Variants in CELF4 observed in about 807,000 individuals in gnomAD.
CELF4 encodes the protein CUG-BP- and ETR-3-like factor 4.
CELF4 carries 18 observed loss-of-function variants against 59.9 expected under a neutral mutation model. That is an observed-to-expected ratio of 0.30 (90% confidence interval 0.21 to 0.45). The LOEUF (loss-of-function observed/expected upper bound fraction) is 0.45, where lower values mean the gene tolerates loss of function less well. Ranked by LOEUF, CELF4 falls within the 20% of genes least tolerant of loss-of-function variation. CELF4 has a pLI of 1.00. For missense variants in CELF4, 456 were observed against 689.0 expected (o/e 0.66, Z 3.79); for synonymous variants, 261 against 267.1 (o/e 0.98, Z 0.22).
chr18:37,547,088 A>T (rs2099981631), intron 1 of CELF4, among the ~76,000 whole-genome samples: 1 of 152,136 alleles, frequency 6.6e-6, no homozygotes, highest in South Asian at 2.1e-4. Flanking sequence ...AAAGAAAACC[A>T]TAGGTTTCCT....
chr18:37,476,417 A>G (rs929888764), intron 2 of CELF4, among the ~76,000 whole-genome samples: 10 of 152,166 alleles, frequency 6.6e-5, no homozygotes, highest in African/African-American at 2.4e-4. Context: ...CATACCACAA[A>G]TGCCTTTGAT....
chr18:37,407,642 C>G (rs4799446), intron 2 of CELF4, among the ~76,000 whole-genome samples: 20 of 151,430 alleles, frequency 1.3e-4, no homozygotes, highest in African/African-American at 4.9e-4. Flanking sequence ...CAAACGCACA[C>G]GTTAGGATGT....
At chr18:37,514,029 C>A (rs989666991) in intron 1 of CELF4, among the ~76,000 whole-genome samples, 18 of 151,798 alleles carry the variant, frequency 1.2e-4, no homozygotes, top group African/African-American at 4.4e-4. Flanking sequence ...GAGGTGATGG[C>A]TCTACCAAGT....
At chr18:37,524,827 C>T (rs893227155) in intron 1 of CELF4, among the ~76,000 whole-genome samples, 3 of 152,116 alleles carry the variant, frequency 2.0e-5, no homozygotes, top group African/African-American at 2.4e-5. Flanking sequence ...GGCCGCGGCT[C>T]CCGGCAGCGA....
At chr18:37,524,463 G>T (rs2099961164) in intron 1 of CELF4, among the ~76,000 whole-genome samples, 1 of 152,116 alleles carries the variant, frequency 6.6e-6, no homozygotes, top group African/African-American at 2.4e-5. Flanking sequence ...CCGCGGTGAC[G>T]AATGTTCTCC....
chr18:37,350,192 C>A (rs1249810977), intron 2 of CELF4, among the ~76,000 whole-genome samples: 2 of 152,148 alleles, frequency 1.3e-5, no homozygotes, highest in African/African-American at 2.4e-5. Context: ...GCCCCATTCT[C>A]CTCTGACAAA....
intron 2 of CELF4, among the ~76,000 whole-genome samples, chr18:37,365,214 G>T (rs2098760125): frequency 6.6e-6 from 1 of 152,194 alleles, no homozygotes; most frequent in South Asian, 2.1e-4. Context: ...GGCAGCAGCT[G>T]CAGATTCTTG....
chr18:37,280,468 G>T (rs983925170), intron 3 of CELF4, among the ~76,000 whole-genome samples: 6 of 152,196 alleles, frequency 3.9e-5, no homozygotes, highest in African/African-American at 1.4e-4. Context: ...TTTGGTCTAT[G>T]GGCCCAGAGC....
chr18:37,459,904 C>T (rs533100984), intron 2 of CELF4, among the ~76,000 whole-genome samples: 13 of 152,298 alleles, frequency 8.5e-5, no homozygotes, highest in South Asian at 4.2e-4. Flanking sequence ...TAAATACATA[C>T]GTCCTTGGAA....
intron 2 of CELF4, among the ~76,000 whole-genome samples, chr18:37,417,505 C>T (rs770861397): frequency 3.9e-5 from 6 of 152,232 alleles, no homozygotes; most frequent in Admixed American, 6.5e-5. Context: ...ATACAGCAGA[C>T]TCAATGAAGC....
chr18:37,261,639 G>T (rs527302167), intron 10 of CELF4, among the ~76,000 whole-genome samples: 5 of 152,360 alleles, frequency 3.3e-5, no homozygotes, highest in African/African-American at 1.2e-4. Flanking sequence ...AGAGACCAAT[G>T]TGGTCCAGCC....
chr18:37,408,956 G>T (rs1470817966), intron 2 of CELF4, among the ~76,000 whole-genome samples: 1 of 152,204 alleles, frequency 6.6e-6, no homozygotes, highest in Non-Finnish European at 1.5e-5. Context: ...AGGCAGAAAG[G>T]TCTGTCAATT....
chr18:37,353,991 G>A (rs1425502701), intron 2 of CELF4, among the ~76,000 whole-genome samples: 7 of 151,984 alleles, frequency 4.6e-5, no homozygotes, highest in South Asian at 2.1e-4. Flanking sequence ...TCCTGACTTC[G>A]TGATCTGCCC....
intron 2 of CELF4, among the ~76,000 whole-genome samples, chr18:37,456,373 C>G (rs2099778306): frequency 6.6e-6 from 1 of 152,090 alleles, no homozygotes; most frequent in Non-Finnish European, 1.5e-5. Flanking sequence ...CTTCTGCAGG[C>G]CCAGGACTCT....
intron 3 of CELF4, among the ~76,000 whole-genome samples, chr18:37,277,334 A>G (rs1338395324): frequency 2.0e-5 from 3 of 152,212 alleles, no homozygotes; most frequent in African/African-American, 7.2e-5. Flanking sequence ...AGGCCCCACT[A>G]CCTGCCTCAA....
intron 1 of CELF4, among the ~76,000 whole-genome samples, chr18:37,500,443 G>T (rs1484770360): frequency 6.6e-6 from 1 of 152,208 alleles, no homozygotes; most frequent in African/African-American, 2.4e-5. Context: ...CACCTCTTCC[G>T]ACTCCTGCAG....
intron 3 of CELF4, among the ~76,000 whole-genome samples, chr18:37,302,029 G>T (rs545543327): frequency 1.3e-5 from 2 of 152,270 alleles, no homozygotes; most frequent in South Asian, 4.1e-4. Context: ...CCATCCAAAG[G>T]GTTGAACAGC....
chr18:37,509,395 T>C (rs2099941772), intron 1 of CELF4, among the ~76,000 whole-genome samples: 1 of 152,204 alleles, frequency 6.6e-6, no homozygotes, highest in Admixed American at 6.5e-5. Context: ...GGAATTGGCA[T>C]CTGAGTTTCT....
chr18:37,270,476 A>C (rs2090628156), intron 8 of CELF4, among the ~76,000 whole-genome samples: 1 of 152,152 alleles, frequency 6.6e-6, no homozygotes, highest in Non-Finnish European at 1.5e-5. Context: ...GCCTCTCTAC[A>C]TGGTTGTACA....
Sources: allele counts gnomAD v4.1 joint callset (sites outside exome capture counted in the v4.1 genomes callset), GRCh38; gene constraint gnomAD v4.1.1; transcripts MANE v1.5; gene names NCBI Gene and HGNC (gene_info 2026-07-23, HGNC 2026-07-21).